ZC3H3: variants seen among roughly 807,000 people sequenced by gnomAD.
ZC3H3 encodes zinc finger CCCH domain-containing protein 3.
ZC3H3 carries 36 observed loss-of-function variants against 77.3 expected under a neutral mutation model. That is an observed-to-expected ratio of 0.47 (90% CI 0.36 to 0.61). ZC3H3 has a LOEUF of 0.61. ZC3H3 is among the 20% of genes least tolerant of loss of function. The pLI, the probability that ZC3H3 is intolerant of heterozygous loss-of-function variation, is 0.00. For missense variants in ZC3H3, 1,331 were observed against 1,312.2 expected (o/e 1.01, Z -0.22); for synonymous variants, 626 against 555.2 (o/e 1.13, Z -1.79).
chr8:143,449,815 C>CAACAGCTGAATGGATGAG (rs1819945335), intron 9 of ZC3H3, among the ~76,000 whole-genome samples: 2 of 151,636 alleles, frequency 1.3e-5, no homozygotes, highest in Admixed American at 6.6e-5. Flanking sequence ...TTCAAAGTTC[C>CAACAGCTGAATGGATGAG]ACAGATCCCC....
chr8:143,475,119 C>T (rs988444516), intron 5 of ZC3H3, among the ~76,000 whole-genome samples: 4 of 152,236 alleles, frequency 2.6e-5, no homozygotes, highest in African/African-American at 7.2e-5. Flanking sequence ...CTCCATTCTC[C>T]GGCTGCCCTG....
At chr8:143,464,765 G>A (rs983929748) in intron 9 of ZC3H3, among the ~76,000 whole-genome samples, 4 of 152,262 alleles carry the variant, frequency 2.6e-5, no homozygotes, top group East Asian at 3.9e-4. Context: ...TGCAGGCCCC[G>A]GGGCTCCCTC....
intron 4 of ZC3H3, among the ~76,000 whole-genome samples, chr8:143,476,311 T>C (rs1820733240): frequency 6.6e-6 from 1 of 152,190 alleles, no homozygotes; most frequent in Admixed American, 6.5e-5. Flanking sequence ...AATGCTGATG[T>C]TGCCTCAAGT....
At chr8:143,512,187 C>T (rs1821889339) in intron 3 of ZC3H3, among the ~76,000 whole-genome samples, 1 of 152,224 alleles carries the variant, frequency 6.6e-6, no homozygotes, top group Non-Finnish European at 1.5e-5. Context: ...CCCCCGGGGC[C>T]ACTGCAGCGC....
chr8:143,500,609 A>G (rs1438112750), intron 4 of ZC3H3, among the ~76,000 whole-genome samples: 1 of 152,236 alleles, frequency 6.6e-6, no homozygotes. Flanking sequence ...TGAGAGATCC[A>G]AGAGCATGGT....
At chr8:143,509,086 C>T (rs1032050188) in intron 3 of ZC3H3, among the ~76,000 whole-genome samples, 2 of 152,148 alleles carry the variant, frequency 1.3e-5, no homozygotes, top group African/African-American at 4.8e-5. Flanking sequence ...AGGCGTTCCC[C>T]CAGCACCATC....
intron 3 of ZC3H3, among the ~76,000 whole-genome samples, chr8:143,517,081 T>C (rs563283159): frequency 3.9e-5 from 6 of 152,162 alleles, no homozygotes; most frequent in Admixed American, 3.9e-4. Context: ...CAGAGCCCTA[T>C]TAAAGGGAAG....
At chr8:143,503,454 G>A (rs909897159) in intron 4 of ZC3H3, among the ~76,000 whole-genome samples, 5 of 151,976 alleles carry the variant, frequency 3.3e-5, no homozygotes, top group African/African-American at 9.7e-5. Flanking sequence ...AGCACTGGCC[G>A]GCCACAAACC....
At chr8:143,497,944 C>T (rs897699459) in intron 4 of ZC3H3, among the ~76,000 whole-genome samples, 8 of 152,236 alleles carry the variant, frequency 5.3e-5, no homozygotes, top group Non-Finnish European at 1.2e-4. Context: ...GCCTGGCAGG[C>T]ACCACAGCAC....
intron 5 of ZC3H3, among the ~76,000 whole-genome samples, chr8:143,474,950 T>C (rs769979967): frequency 4.6e-5 from 7 of 152,318 alleles, no homozygotes; most frequent in Middle Eastern, 3.4e-3. Flanking sequence ...CCGGGCGTGT[T>C]TGCCGTACCT....
intron 3 of ZC3H3, among the ~76,000 whole-genome samples, chr8:143,527,879 C>T (rs1226835963): frequency 6.6e-6 from 1 of 152,224 alleles, no homozygotes; most frequent in Non-Finnish European, 1.5e-5. Context: ...ACCCCATTCA[C>T]AGATAGGGCA....
At chr8:143,456,783 G>A (rs778350422) in intron 9 of ZC3H3, among the ~76,000 whole-genome samples, 14 of 152,126 alleles carry the variant, frequency 9.2e-5, no homozygotes, top group South Asian at 2.1e-4. Context: ...TGGGAGGATC[G>A]CTGGAGCTCA....
intron 4 of ZC3H3, among the ~76,000 whole-genome samples, chr8:143,483,287 T>C (rs949647537): frequency 7.9e-5 from 12 of 152,186 alleles, no homozygotes; most frequent in African/African-American, 2.2e-4. Context: ...CGAGCATGCA[T>C]GTGTGTCCAT....
intron 3 of ZC3H3, among the ~76,000 whole-genome samples, chr8:143,515,162 C>T (rs779550894): frequency 6.6e-6 from 1 of 152,214 alleles, no homozygotes; most frequent in East Asian, 1.9e-4. Context: ...CCTCGCTCCC[C>T]GATCCGGAAG....
In ZC3H3 at chr8:143,440,227, A is replaced by G. The variant is rs749024316; in HGVS notation, c.2629T>C (p.Ser877Pro). The change falls in exon 11 of 12, where the codon TCC (serine) becomes CCC (proline). Residue 877 changes from serine (S) to proline (P), a missense_variant. Around this residue, in one of 3 missense-constraint regions of ZC3H3, gnomAD observed 249 missense variants for 236.9 expected, o/e 1.05. Transcript: ENST00000262577. ...PSSSKASSSS[S>P]SSSSPPASLD... ...GAAGCGGGAGGGGATGAGGAGGAGG[A>G]GGAGGAGGAGGAAGCCTTCGAGGAT... 6.2e-7 allele frequency: 1 copy of G among 1,604,474 alleles called. No homozygotes were observed. The highest frequency in any genetic ancestry group is 8.5e-7 in the Non-Finnish European group (1 of 1,176,552).
chr8:143,541,280 G>A (rs541085168), intron 1 of ZC3H3, 96 bp downstream of exon 1: 2 of 1,579,090 alleles, frequency 1.3e-6, no homozygotes, highest in African/African-American at 1.4e-5. Flanking sequence ...CAGAACACGC[G>A]GGCGGTGAGC....
In ZC3H3 at chr8:143,505,997, G is replaced by A. The variant is rs146162466; in HGVS notation, c.1715+1749C>T. Among the ~76,000 whole-genome samples, 78 of 152,356 alleles carry A rather than the reference G, an allele frequency of 5.1e-4. 2 individuals carry two copies. The East Asian group carries it at 0.014, about 27-fold the overall frequency. On this transcript the variant is annotated intron_variant, in intron 4 of 11. Coordinates refer to ENST00000262577, the MANE Select transcript of ZC3H3 (RefSeq NM_015117.3). ...TTGGAGGGAGCCTATCAGCTGACCC[G>A]CTGCTCTCAGCCACATGGCGCCGAC... is the stretch of plus-strand genomic sequence containing the variant.
chr8:143,503,773 C>T (rs1334355612), intron 4 of ZC3H3, among the ~76,000 whole-genome samples: 1 of 151,922 alleles, frequency 6.6e-6, no homozygotes, highest in Non-Finnish European at 1.5e-5. Flanking sequence ...AGCACCCAGC[C>T]ATCTCCCGAC....
chr8:143,472,744 G>A (rs1016952715), intron 5 of ZC3H3, among the ~76,000 whole-genome samples: 15 of 152,240 alleles, frequency 9.9e-5, no homozygotes, highest in African/African-American at 2.7e-4. Context: ...CAAGGGCCCC[G>A]GTGCGGGGAG....
Sources: gnomAD v4.1 joint callset for allele counts (sites outside exome capture counted in the v4.1 genomes callset) on GRCh38, gnomAD v4.1.1 for gene constraint, gnomAD v4.1.1 regional missense constraint, MANE v1.5 for transcripts, NCBI Gene and HGNC (gene_info 2026-07-23, HGNC 2026-07-21) for gene names.